VGLL3: variants seen among roughly 807,000 people sequenced by gnomAD.
The protein encoded by VGLL3 is transcription cofactor vestigial-like protein 3.
VGLL3 carries 18 observed loss-of-function variants against 29.2 expected under a neutral mutation model. That is an observed-to-expected ratio of 0.62 (90% CI 0.43 to 0.91). VGLL3 has a LOEUF of 0.91. Among genes scored for constraint, VGLL3 ranks in the 40% least tolerant of loss-of-function variants. VGLL3 has a pLI of 0.00. For missense variants in VGLL3, 440 were observed against 413.2 expected, an observed-to-expected ratio of 1.06 and a Z score of -0.56; for synonymous variants, 180 against 151.8, an observed-to-expected ratio of 1.19 and a Z score of -1.36.
chr3:86,969,195 C>T, intron 2 of VGLL3, 72 bp from the exon 3 acceptor site: 1 of 1,466,306 alleles, frequency 6.8e-7, no homozygotes, highest in Non-Finnish European at 9.1e-7. Context: ...CTCTAATTGT[C>T]CACTCTAATT....
chr3:86,953,382 A>G (rs1704652769), intron 3 of VGLL3, among the ~76,000 whole-genome samples: 2 of 152,004 alleles, frequency 1.3e-5, no homozygotes, highest in Admixed American at 1.3e-4. Flanking sequence ...CTATTACCCA[A>G]TTCTCTATAG....
intron 2 of VGLL3, among the ~76,000 whole-genome samples, chr3:86,976,642 T>C (rs1242022181): frequency 6.6e-6 from 1 of 152,224 alleles, no homozygotes; most frequent in Non-Finnish European, 1.5e-5. Flanking sequence ...TTGTGTAATG[T>C]GTTTTGCAAA....
chr3:86,969,970 C>G (rs1185796580), intron 2 of VGLL3, among the ~76,000 whole-genome samples: 2 of 152,068 alleles, frequency 1.3e-5, no homozygotes, highest in Admixed American at 6.5e-5. Context: ...TGGCCAATGG[C>G]TGGGCCTCTT....
intron 2 of VGLL3, among the ~76,000 whole-genome samples, chr3:86,970,474 T>TACAC (rs1325839995): frequency 2.4e-5 from 2 of 83,566 alleles, no homozygotes; most frequent in Admixed American, 1.5e-4. Flanking sequence ...GGCCATATAT[T>TACAC]ACACACACGC....
Position 86,940,184 on chromosome 3 carries a change from T to G in VGLL3, c.*6840A>C, listed in dbSNP as rs13074432. The stretch of plus-strand genomic sequence containing the variant: ...TGTAATAAGAAAATTGAAGGCCCAC[T>G]TAGAGAAACTCTAGCTTTCTTCAGA... On this transcript the variant is annotated 3_prime_UTR_variant, in exon 4 of 4. Coordinates refer to ENST00000398399, the MANE Select transcript of VGLL3 (RefSeq NM_016206.4). The G allele has an allele frequency of 0.64, 97,848 of 151,998 alleles. 31,714 individuals are homozygous for G. The highest frequency in any genetic ancestry group is 0.7 in the African/African-American group (29,064 of 41,426). 9.4% of individuals were successfully genotyped at this position (151,998 alleles called of 1,614,324 possible). A position where few individuals can be genotyped will look rare whatever the true frequency, so the allele number is the denominator to read the frequency against.
chr3:86,966,936 G>A (rs1046308176), intron 3 of VGLL3, among the ~76,000 whole-genome samples: 3 of 150,566 alleles, frequency 2.0e-5, no homozygotes, highest in African/African-American at 7.3e-5. Flanking sequence ...AGAATTTCCA[G>A]GGAACAAAAA....
Position 86,990,645 on chromosome 3 carries a change from ATAG to A in VGLL3, c.96_98del (p.Tyr33del), listed in dbSNP as rs764525861. 5.1e-6 allele frequency: 7 copies of A among 1,385,082 alleles called. No homozygotes were observed. In the South Asian group the frequency reaches 1.4e-4, roughly 28 times the overall value. The allele number at this position is 1,385,082 out of a possible 1,614,324, so 85.8% of individuals were successfully genotyped here. On this transcript the variant is annotated inframe_deletion, in exon 1 of 4. Transcript: ENST00000398399. ...GCTGGCCAGGTTGGGGCGCCGGCTG[ATAG>A]TAGGCTGTGGGGCAGGTTGTCGCTG...
chr3:86,974,121 AT>A (rs1169287620), intron 2 of VGLL3, among the ~76,000 whole-genome samples: 697 of 140,282 alleles, frequency 5.0e-3, no homozygotes, highest in East Asian at 0.016. Flanking sequence ...TAGGTTTGTT[AT>A]TTTTTTTTTT....
Position 86,968,957 on chromosome 3 carries a change from G to C in VGLL3, c.570C>G (p.His190Gln). Residue 190 changes from histidine (H) to glutamine (Q), a missense_variant, in exon 3 of 4, where the codon CAC (histidine) becomes CAG (glutamine). Transcript: ENST00000398399. Reference sequence around the variant, plus strand: ...GGGCTGGGCCAGTCTGATGCAGGTTGTGTCCCGGCCAAGGACTGGGATCAG... The same window carrying C: ...GGGCTGGGCCAGTCTGATGCAGGTTCTGTCCCGGCCAAGGACTGGGATCAG... ...SAADPSPWPG[H>Q]NLHQTGPAPP... 8 of 1,614,156 alleles carry C rather than the reference G, an allele frequency of 5.0e-6. No homozygotes were observed. The highest frequency in any genetic ancestry group is 6.8e-6 in the Non-Finnish European group (8 of 1,180,026).
chr3:86,977,914 A>G (rs1705242964), intron 2 of VGLL3, among the ~76,000 whole-genome samples: 1 of 152,200 alleles, frequency 6.6e-6, no homozygotes, highest in Admixed American at 6.5e-5. Context: ...TTTCAAACAC[A>G]TCTCTGTGAG....
In VGLL3 at chr3:86,969,122, G is replaced by C. The variant is rs1275586427; in HGVS notation, c.405C>G (p.Asp135Glu). 5.1e-6 allele frequency: 8 copies of C among 1,563,992 alleles called. No individual in the cohort carries two copies. The highest frequency in any genetic ancestry group is 6.9e-6 in the Non-Finnish European group (8 of 1,155,992). The change falls in exon 3 of 4, where the codon GAC (aspartate) becomes GAG (glutamate). Residue 135 changes from aspartate to glutamate, a missense_variant and splice_region_variant. By Grantham distance (45) the Asp-to-Glu change is conservative. Transcript: ENST00000398399. ...SKMGLTPLWR[D>E]SSALSSQRNS... The stretch of plus-strand genomic sequence containing the variant: ...TCCGCTGGCTTGAGAGAGCTGAGCT[G>C]TCTGAGAAGACAGAAAATAAAAAAC...
At chr3:86,987,430 G>T (rs1341653672) in intron 1 of VGLL3, among the ~76,000 whole-genome samples, 2 of 152,134 alleles carry the variant, frequency 1.3e-5, no homozygotes, top group African/African-American at 4.8e-5. Context: ...CATTTTATAT[G>T]AAGCCCAAAG....
rs779066739 is a variant in VGLL3 at position 86,968,617 on chromosome 3, T to C, written c.910A>G (p.Ile304Val). ...WAGAFHGTVD[I>V]VPSVGFDTGL... Reference sequence around the variant, plus strand: ...GTATCGAATCCCACGCTGGGCACTATGTCTACTGTTCCATGAAAGGCTCCA... The same window carrying C: ...GTATCGAATCCCACGCTGGGCACTACGTCTACTGTTCCATGAAAGGCTCCA... The change falls in exon 3 of 4, where the codon ATA becomes GTA. Residue 304 changes from isoleucine to valine, a missense_variant. Coordinates refer to ENST00000398399, the MANE Select transcript of VGLL3 (RefSeq NM_016206.4). 9.3e-6 allele frequency: 15 copies of C among 1,613,972 alleles called. No homozygotes were observed. Among genetic ancestry groups the C allele is most frequent in the Admixed American group, 3.3e-5 (2 of 60,000 alleles).
intron 3 of VGLL3, among the ~76,000 whole-genome samples, chr3:86,966,196 AATC>A (rs1704955809): frequency 2.0e-5 from 3 of 152,056 alleles, no homozygotes; most frequent in African/African-American, 7.2e-5. Flanking sequence ...AAATCTGAGC[AATC>A]ATCAGTCTCT....
intron 2 of VGLL3, among the ~76,000 whole-genome samples, chr3:86,972,338 T>A (rs1705118799): frequency 6.6e-6 from 1 of 152,168 alleles, no homozygotes. Flanking sequence ...AGTCAATATG[T>A]CTCTTGAGAT....
intron 1 of VGLL3, among the ~76,000 whole-genome samples, chr3:86,985,646 A>G (rs947085049): frequency 6.6e-6 from 1 of 152,190 alleles, no homozygotes; most frequent in African/African-American, 2.4e-5. Context: ...GAGTAGTCAG[A>G]GCAGAAAACC....
At chr3:86,975,874 G>A (rs1705200235) in intron 2 of VGLL3, among the ~76,000 whole-genome samples, 2 of 152,142 alleles carry the variant, frequency 1.3e-5, no homozygotes, top group South Asian at 4.1e-4. Flanking sequence ...CACTTTGGGA[G>A]GCCGAGGCGG....
At position 86,978,686 on chromosome 3, in the gene VGLL3, C is replaced by T; in HGVS notation, c.243G>A (p.Met81Ile). 2 of 1,614,100 alleles carry T rather than the reference C, an allele frequency of 1.2e-6. No individual in the cohort carries two copies. The highest frequency in any genetic ancestry group is 1.7e-6 in the Non-Finnish European group (2 of 1,180,022). Reference sequence around the variant, plus strand: ...GGACACAGCGAGAGTTAAGGTACTCCATCTCGGCAGGCTGGTCTTTCTCCT... The same window carrying T: ...GGACACAGCGAGAGTTAAGGTACTCTATCTCGGCAGGCTGGTCTTTCTCCT... Reference protein sequence around the residue: ...EEEEKDQPAEMEYLNSRCVLF... With the variant: ...EEEEKDQPAEIEYLNSRCVLF... The change falls in exon 2 of 4, where the codon ATG (methionine) becomes ATA (isoleucine). Residue 81 changes from methionine to isoleucine, a missense_variant. Met to Ile is a conservative substitution (Grantham distance 10). Transcript: ENST00000398399.
At chr3:86,950,594 A>G (rs929072647) in intron 3 of VGLL3, among the ~76,000 whole-genome samples, 1 of 152,208 alleles carries the variant, frequency 6.6e-6, no homozygotes, top group Non-Finnish European at 1.5e-5. Context: ...TGCACTGCTT[A>G]GAAACACCCT....
Sources: gnomAD v4.1 joint callset for allele counts (sites outside exome capture counted in the v4.1 genomes callset) on GRCh38, gnomAD v4.1.1 for gene constraint, MANE v1.5 for transcripts, NCBI Gene and HGNC (gene_info 2026-07-23, HGNC 2026-07-21) for gene names.